MSRA: variants seen among roughly 807,000 people sequenced by gnomAD.
MSRA encodes the protein mitochondrial peptide methionine sulfoxide reductase.
A neutral mutation model predicts 31.3 loss-of-function variants in MSRA; 54 were observed. The ratio of observed to expected loss-of-function variants is 1.73; its 90% CI spans 1.39 to 2.17. The LOEUF (loss-of-function observed/expected upper bound fraction) is 2.17, where lower values mean the gene tolerates loss of function less well. Among genes scored for constraint, MSRA ranks in the 30% most tolerant of loss-of-function variants. MSRA has a pLI of 0.00. For synonymous variants in MSRA, 169 were observed against 116.5 expected, an observed-to-expected ratio of 1.45 and a Z score of -2.90; for missense variants, 507 against 300.9, an observed-to-expected ratio of 1.69 and a Z score of -5.07.
At chr8:10,106,135 A>G (rs955154042) in intron 1 of MSRA, among the ~76,000 whole-genome samples, 1 of 152,230 alleles carries the variant, frequency 6.6e-6, no homozygotes, top group African/African-American at 2.4e-5. Flanking sequence ...CTGGGCAGAT[A>G]CTAACAGCTG....
intron 4 of MSRA, among the ~76,000 whole-genome samples, chr8:10,306,668 G>A (rs138828729): frequency 2.3e-3 from 346 of 152,292 alleles, no homozygotes; most frequent in African/African-American, 7.7e-3. Context: ...CAGGTTCCCA[G>A]CATTTCATGG....
At chr8:10,081,757 C>T (rs777648100) in intron 1 of MSRA, among the ~76,000 whole-genome samples, 7 of 152,074 alleles carry the variant, frequency 4.6e-5, no homozygotes, top group Admixed American at 6.6e-5. Context: ...CCCAAAGTCC[C>T]GGGAGATGGG....
chr8:10,106,115 A>T (rs1302297294), intron 1 of MSRA, among the ~76,000 whole-genome samples: 7 of 152,224 alleles, frequency 4.6e-5, no homozygotes, highest in African/African-American at 1.7e-4. Context: ...CCACAGTCAT[A>T]GGTGAGGTTC....
chr8:10,066,496 T>A (rs1208335397), intron 1 of MSRA, among the ~76,000 whole-genome samples: 2 of 152,224 alleles, frequency 1.3e-5, no homozygotes, highest in African/African-American at 4.8e-5. Flanking sequence ...TTTTCTTGCT[T>A]AATAGTACAT....
intron 5 of MSRA, among the ~76,000 whole-genome samples, chr8:10,418,811 C>A: frequency 4.2e-5 from 1 of 23,682 alleles, no homozygotes; most frequent in African/African-American, 1.4e-4. Flanking sequence ...TATTTTACTA[C>A]GACTAAAAAA....
intron 5 of MSRA, among the ~76,000 whole-genome samples, chr8:10,373,664 C>T (rs919934687): frequency 1.3e-5 from 2 of 152,202 alleles, no homozygotes; most frequent in East Asian, 1.9e-4. Flanking sequence ...CAGGGGATTC[C>T]GGGAAGGAAG....
At chr8:10,300,015 T>G (rs977680096) in intron 3 of MSRA, among the ~76,000 whole-genome samples, 1 of 152,238 alleles carries the variant, frequency 6.6e-6, no homozygotes, top group African/African-American at 2.4e-5. Context: ...TGGGGAGTTA[T>G]GTATTCATTA....
At chr8:10,069,181 A>T (rs1392876323) in intron 1 of MSRA, among the ~76,000 whole-genome samples, 1 of 152,206 alleles carries the variant, frequency 6.6e-6, no homozygotes, top group Non-Finnish European at 1.5e-5. Flanking sequence ...TGGATTTTCT[A>T]CATAGACAGT....
chr8:10,329,902 C>T (rs1340121739), intron 5 of MSRA, among the ~76,000 whole-genome samples: 1 of 151,246 alleles, frequency 6.6e-6, no homozygotes, highest in Non-Finnish European at 1.5e-5. Context: ...CAAAACAGAC[C>T]CAATTTTACT....
intron 2 of MSRA, among the ~76,000 whole-genome samples, chr8:10,230,727 A>T (rs1388385567): frequency 6.6e-6 from 1 of 152,210 alleles, no homozygotes; most frequent in African/African-American, 2.4e-5. Context: ...AATCTTAGTC[A>T]GTAAGATTCT....
chr8:10,110,692 G>T (rs903576266), intron 1 of MSRA, among the ~76,000 whole-genome samples: 1 of 152,144 alleles, frequency 6.6e-6, no homozygotes, highest in African/African-American at 2.4e-5. Flanking sequence ...TAGTGATCGC[G>T]CTTTCTCCCA....
chr8:10,116,332 T>C (rs1187752283), intron 1 of MSRA, among the ~76,000 whole-genome samples: 1 of 152,204 alleles, frequency 6.6e-6, no homozygotes, highest in East Asian at 1.9e-4. Flanking sequence ...TCTTCCAATA[T>C]GGCGCAGAGA....
intron 5 of MSRA, among the ~76,000 whole-genome samples, chr8:10,382,678 TC>T (rs1160036629): frequency 6.6e-6 from 1 of 152,144 alleles, no homozygotes; most frequent in East Asian, 1.9e-4. Flanking sequence ...ATCTCTGCAT[TC>T]AGAGTTAGCA....
At chr8:10,385,539 A>G (rs888000486) in intron 5 of MSRA, among the ~76,000 whole-genome samples, 2 of 152,106 alleles carry the variant, frequency 1.3e-5, no homozygotes, top group African/African-American at 4.8e-5. Context: ...TTGGGGCAGG[A>G]GGGGCAGAGG....
chr8:10,232,620 A>C (rs1409436799), intron 2 of MSRA, among the ~76,000 whole-genome samples: 1 of 152,212 alleles, frequency 6.6e-6, no homozygotes, highest in Non-Finnish European at 1.5e-5. Flanking sequence ...GGCTTTATGA[A>C]AATTTGAACT....
At chr8:10,107,232 C>G (rs7017605) in intron 1 of MSRA, among the ~76,000 whole-genome samples, 199 of 151,936 alleles carry the variant, frequency 1.3e-3, no homozygotes, top group African/African-American at 4.3e-3. Flanking sequence ...TTTTAGAGAA[C>G]ATGGATCTTT....
intron 1 of MSRA, among the ~76,000 whole-genome samples, chr8:10,183,545 A>G (rs996304832): frequency 3.9e-5 from 6 of 152,216 alleles, no homozygotes; most frequent in African/African-American, 1.4e-4. Flanking sequence ...GTGGCGGTCA[A>G]GGCAAAAATG....
At chr8:10,125,905 A>G (rs902471359) in intron 1 of MSRA, among the ~76,000 whole-genome samples, 1 of 152,198 alleles carries the variant, frequency 6.6e-6, no homozygotes, top group Admixed American at 6.5e-5. Context: ...ATTTTACACT[A>G]AGACAAAACC....
At chr8:10,139,911 G>C (rs534379123) in intron 1 of MSRA, among the ~76,000 whole-genome samples, 1 of 152,310 alleles carries the variant, frequency 6.6e-6, no homozygotes, top group African/African-American at 2.4e-5. Flanking sequence ...TATTTTATTT[G>C]TGTAGGGGAG....
Sources: gnomAD v4.1 joint callset for allele counts (sites outside exome capture counted in the v4.1 genomes callset) on GRCh38, gnomAD v4.1.1 for gene constraint, MANE v1.5 for transcripts, NCBI Gene and HGNC (gene_info 2026-07-23, HGNC 2026-07-21) for gene names.